CKAP4: variants seen among roughly 807,000 people sequenced by gnomAD.
The protein encoded by CKAP4 is cytoskeleton-associated protein 4.
A neutral mutation model predicts 24.4 loss-of-function variants in CKAP4; 20 were observed. The ratio of observed to expected loss-of-function variants is 0.82; its 90% CI spans 0.58 to 1.19. The LOEUF is 1.19. CKAP4 is among the 50% of genes most tolerant of loss of function. The probability of loss-of-function intolerance (pLI) is 0.00; values close to 1 mark genes in which losing one functional copy is unlikely to be tolerated. For missense variants in CKAP4, 744 were observed against 765.3 expected (o/e 0.97, Z 0.33); for synonymous variants, 378 against 351.7 (o/e 1.07, Z -0.84).
chr12:106,238,745 T>C lies in CKAP4; in HGVS notation c.*279A>G, dbSNP rs551197164. 105 of 351,094 alleles carry C rather than the reference T, an allele frequency of 3.0e-4. No individual in the cohort carries two copies. Among genetic ancestry groups the C allele is most frequent in the Non-Finnish European group, 5.1e-4 (98 of 193,502 alleles). 21.7% of individuals were successfully genotyped at this position (351,094 alleles called of 1,614,324 possible). On this transcript the variant is annotated 3_prime_UTR_variant, in exon 2 of 2. Coordinates refer to ENST00000378026, the MANE Select transcript of CKAP4 (RefSeq NM_006825.4). The stretch of plus-strand genomic sequence containing the variant: ...CTTCTGTTAATCCTCAATTTAAGCC[T>C]TTATCATTTTTCTCTGACTAGAGAC...
chr12:106,243,132 C>G (rs1291969550), intron 1 of CKAP4, among the ~76,000 whole-genome samples: 3 of 152,122 alleles, frequency 2.0e-5, no homozygotes, highest in Non-Finnish European at 4.4e-5. Flanking sequence ...GGTGGGGGGA[C>G]TGGGTGTTAG....
rs907679846 is a variant in CKAP4 at position 106,243,745 on chromosome 12, T to C, written c.484-3396A>G. On this transcript the variant is annotated intron_variant, in intron 1 of 1. Coordinates refer to ENST00000378026, the MANE Select transcript of CKAP4 (RefSeq NM_006825.4). ...GAGCCATTCTCCAATAACAAGAACA[T>C]CTGGAGAACAAGAGACAGGTGGGCA... 2.0e-5 allele frequency among the ~76,000 whole-genome samples: 3 copies of C among 152,140 alleles called. No homozygotes were observed. In the East Asian group the frequency reaches 5.8e-4, roughly 29 times the overall value.
Position 106,247,578 on chromosome 12 carries a change from C to G in CKAP4, c.274G>C (p.Ala92Pro), listed in dbSNP as rs1213856243. The G allele has an allele frequency of 7.4e-7, 1 of 1,354,270 alleles. No homozygotes were observed. Among genetic ancestry groups the G allele is most frequent in the East Asian group, 3.6e-5 (1 of 28,118 alleles). The allele number at this position is 1,354,270 out of a possible 1,614,324, so 83.9% of individuals were successfully genotyped here. The part of the protein sequence containing the change: ...SSSASAAAAA[A>P]AASSSASCSR... ...CAGGACGCCGAGGACGAGGCGGCGG[C>G]GGCGGCAGCGGCGGCGGAGGCGGAG... Residue 92 changes from alanine to proline, a missense_variant, in exon 1 of 2, where the codon GCC becomes CCC. Coordinates refer to ENST00000378026, the MANE Select transcript of CKAP4 (RefSeq NM_006825.4). The surrounding 1 kb of genome is among the most constrained non-coding windows in gnomAD (Gnocchi z 4.5).
chr12:106,245,914 A>T (rs1420775647), intron 1 of CKAP4, among the ~76,000 whole-genome samples: 1 of 152,190 alleles, frequency 6.6e-6, no homozygotes, highest in Non-Finnish European at 1.5e-5. Flanking sequence ...CAGTCTTAAG[A>T]GGAAATTCCT....
At chr12:106,245,846 CGGCCTCCT>C (rs1565949748) in intron 1 of CKAP4, among the ~76,000 whole-genome samples, 135 of 152,164 alleles carry the variant, frequency 8.9e-4, no homozygotes, top group African/African-American at 3.0e-3. Flanking sequence ...CCGCCCGCCT[CGGCCTCCT>C]ACAGTGCCGG....
At position 106,239,858 on chromosome 12, in the gene CKAP4, G is replaced by A; in HGVS notation, c.975C>T (p.Val325=). Residue 325 remains valine (V), a synonymous_variant, in exon 2 of 2, where the codon GTC becomes GTT. Coordinates refer to ENST00000378026, the MANE Select transcript of CKAP4 (RefSeq NM_006825.4). The surrounding 1 kb of genome is among the most constrained non-coding windows in gnomAD (Gnocchi z 4.9). The part of the protein sequence containing the change: ...QTMESDIYTE[V]RELVSLKQEQ... ...CCTGCTTGAGGCTCACCAGCTCGCG[G>A]ACCTCGGTGTAGATGTCAGACTCCA... 8 of 1,614,098 alleles carry A rather than the reference G, an allele frequency of 5.0e-6. No individual in the cohort carries two copies. Among genetic ancestry groups the A allele is most frequent in the Non-Finnish European group, 6.8e-6 (8 of 1,180,016 alleles).
chr12:106,238,423 A>G lies in CKAP4; in HGVS notation c.*601T>C, dbSNP rs2033930130. On this transcript the variant is annotated 3_prime_UTR_variant, in exon 2 of 2. Coordinates refer to ENST00000378026, the MANE Select transcript of CKAP4 (RefSeq NM_006825.4). ...TACCTCTGATATCACAAGATGCGTC[A>G]GGAAGAGAAACGACACGCACACCAT... The G allele has an allele frequency of 6.5e-6, 1 of 153,278 alleles. No individual in the cohort carries two copies. Among genetic ancestry groups the G allele is most frequent in the African/African-American group, 2.4e-5 (1 of 41,436 alleles). 9.5% of individuals were successfully genotyped at this position (153,278 alleles called of 1,614,324 possible). A position where few individuals can be genotyped will look rare whatever the true frequency, so the allele number is the denominator to read the frequency against.
At chr12:106,246,725 G>A (rs969854368) in intron 1 of CKAP4, 1 of 152,654 alleles carries the variant, frequency 6.6e-6, no homozygotes, top group Non-Finnish European at 1.5e-5. Flanking sequence ...CTGGGCGACA[G>A]AGCCAGACTC....
At position 106,247,569 on chromosome 12, in the gene CKAP4, AGGCGGCGGCGGCGGCAGC is replaced by A. The variant is rs1408025449; in HGVS notation, c.265_282del (p.Ala89_Ala94del). ...CTGCGCGAGCAGGACGCCGAGGACG[AGGCGGCGGCGGCGGCAGC>A]GGCGGCGGAGGCGGAGGAGGAGGAG... On this transcript the variant is annotated inframe_deletion, in exon 1 of 2. Transcript: ENST00000378026. The surrounding 1 kb of genome is among the most constrained non-coding windows in gnomAD (Gnocchi z 4.5). 1.4e-5 allele frequency: 20 copies of A among 1,381,150 alleles called. No individual in the cohort carries two copies. The highest frequency in any genetic ancestry group is 7.0e-5 in the East Asian group (2 of 28,776). 85.6% of individuals were successfully genotyped at this position (1,381,150 alleles called of 1,614,324 possible).
Position 106,247,877 on chromosome 12 carries a change from G to A in CKAP4, c.-26C>T, listed in dbSNP as rs1271641669. ...GGCGGGCGCGGCGGCGGCTCGGGCC[G>A]CGGGCTGGGAGGCGAGCGAGCGCGG... On this transcript the variant is annotated 5_prime_UTR_variant, in exon 1 of 2. Coordinates refer to ENST00000378026, the MANE Select transcript of CKAP4 (RefSeq NM_006825.4). This position sits in a 1 kb window ranked among gnomAD's most constrained non-coding sequence, Gnocchi z 4.5. 3 of 1,029,540 alleles carry A rather than the reference G, an allele frequency of 2.9e-6. No homozygotes were observed. Among genetic ancestry groups the A allele is most frequent in the East Asian group, 8.5e-5 (1 of 11,790 alleles). The allele number at this position is 1,029,540 out of a possible 1,614,324, so 63.8% of individuals were successfully genotyped here.
chr12:106,244,391 A>C (rs533484894), intron 1 of CKAP4, among the ~76,000 whole-genome samples: 8 of 152,380 alleles, frequency 5.3e-5, no homozygotes, highest in African/African-American at 9.6e-5. Flanking sequence ...TCAGCAGATG[A>C]TGCATTTTCA....
chr12:106,247,526 T>C lies in CKAP4; in HGVS notation c.326A>G (p.Asn109Ser), dbSNP rs1223311829. 4.6e-6 allele frequency: 7 copies of C among 1,526,408 alleles called. No individual in the cohort carries two copies. The highest frequency in any genetic ancestry group is 1.2e-5 in the South Asian group (1 of 82,784). The allele number at this position is 1,526,408 out of a possible 1,614,324, so 94.6% of individuals were successfully genotyped here. ...CACCAGGGCGAGGTAGAAGAGAAAG[T>C]TGAGCGCCCTGCCGAGCCTGCGCGA... Reference protein sequence around the residue: ...SCSRRLGRALNFLFYLALVAA... With the variant: ...SCSRRLGRALSFLFYLALVAA... The change falls in exon 1 of 2, where the codon AAC becomes AGC. Residue 109 changes from asparagine (N) to serine (S), a missense_variant. Coordinates refer to ENST00000378026, the MANE Select transcript of CKAP4 (RefSeq NM_006825.4). This position sits in a 1 kb window ranked among gnomAD's most constrained non-coding sequence, Gnocchi z 4.5.
chr12:106,239,560 C>T lies in CKAP4; in HGVS notation c.1273G>A (p.Val425Met), dbSNP rs769220994. ...HVEDGVLSMQ[V>M]ASARQTESLE... ...CTCTCGGTCTGGCGCGCAGAAGCCA[C>T]CTGCATGGAGAGCACCCCATCCTCC... Residue 425 changes from valine to methionine, a missense_variant, in exon 2 of 2, where the codon GTG becomes ATG. Transcript: ENST00000378026. The surrounding 1 kb of genome is among the most constrained non-coding windows in gnomAD (Gnocchi z 4.9). 35 of 1,613,434 alleles carry T rather than the reference C, an allele frequency of 2.2e-5. No individual in the cohort carries two copies. Among genetic ancestry groups the T allele is most frequent in the Non-Finnish European group, 2.9e-5 (34 of 1,179,856 alleles).
rs2136532230 is a variant in CKAP4, at chr12:106,237,956, TAAAC to T, written c.*1064_*1067del. The T allele has an allele frequency of 7.8e-6, 1 of 129,008 alleles. No individual in the cohort carries two copies. The highest frequency in any genetic ancestry group is 2.5e-4 in the East Asian group (1 of 3,996). The allele number at this position is 129,008 out of a possible 1,614,324, so 8.0% of individuals were successfully genotyped here. ...CCATACAGTTCATTTCACAGTAAAC[TAAAC>T]AAAACTTTTTTTTTTTTTTTTTACT... On this transcript the variant is annotated 3_prime_UTR_variant, in exon 2 of 2. Transcript: ENST00000378026.
At position 106,238,806 on chromosome 12, in the gene CKAP4, C is replaced by T. The variant is rs141182571; in HGVS notation, c.*218G>A. 3.6e-6 allele frequency: 2 copies of T among 557,498 alleles called. No individual in the cohort carries two copies. The highest frequency in any genetic ancestry group is 1.9e-5 in the African/African-American group (1 of 53,206). The allele number at this position is 557,498 out of a possible 1,614,324, so 34.5% of individuals were successfully genotyped here. ...AGCCACCTGTTATTCACAGGGGCTG[C>T]GCTTCAGGAAACCAACCAAATGCAG... On this transcript the variant is annotated 3_prime_UTR_variant, in exon 2 of 2. Coordinates refer to ENST00000378026, the MANE Select transcript of CKAP4 (RefSeq NM_006825.4).
At position 106,239,221 on chromosome 12, in the gene CKAP4, T is replaced by C. The variant is rs763322573; in HGVS notation, c.1612A>G (p.Asn538Asp). The stretch of plus-strand genomic sequence containing the variant: ...ACTTGGCTGACTGAGGCTTTCAGGT[T>C]GTCTAGAGAAGAAAGTCTGTCCAGG... ...DFLDRLSSLD[N>D]LKASVSQVEA... The change falls in exon 2 of 2, where the codon AAC (asparagine) becomes GAC (aspartate). Residue 538 changes from asparagine to aspartate, a missense_variant. Transcript: ENST00000378026. The surrounding 1 kb of genome is among the most constrained non-coding windows in gnomAD (Gnocchi z 4.9). 1 of 1,614,164 alleles carries C rather than the reference T, an allele frequency of 6.2e-7. No homozygotes were observed.
chr12:106,239,244 AG>A lies in CKAP4; in HGVS notation c.1588del (p.Leu530TrpfsTer7), dbSNP rs775213331. ...QAARLPPQDF[L>X]DRLSSLDNLK... is the part of the protein sequence containing the mutation. ...GTTGTCTAGAGAAGAAAGTCTGTCC[AG>A]GAAGTCCTGAGGAGGCAGACGGGCG... On this transcript the variant is annotated frameshift_variant, in exon 2 of 2. Transcript: ENST00000378026. This position sits in a 1 kb window ranked among gnomAD's most constrained non-coding sequence, Gnocchi z 4.9. 1.2e-6 allele frequency: 2 copies of A among 1,614,098 alleles called. No individual in the cohort carries two copies. Among genetic ancestry groups the A allele is most frequent in the Non-Finnish European group, 8.5e-7 (1 of 1,180,030 alleles).
At chr12:106,246,448 A>G (rs925586604) in intron 1 of CKAP4, among the ~76,000 whole-genome samples, 1 of 152,182 alleles carries the variant, frequency 6.6e-6, no homozygotes, top group South Asian at 2.1e-4. Context: ...CTCTTCCCCT[A>G]AAGCGGAAGT....
In CKAP4 at chr12:106,247,652, C is replaced by G; in HGVS notation, c.200G>C (p.Gly67Ala). The G allele has an allele frequency of 1.8e-6, 2 of 1,096,244 alleles. No homozygotes were observed. Among genetic ancestry groups the G allele is most frequent in the South Asian group, 5.0e-5 (2 of 39,792 alleles). The allele number at this position is 1,096,244 out of a possible 1,614,324, so 67.9% of individuals were successfully genotyped here. A position where few individuals can be genotyped will look rare whatever the true frequency, so the allele number is the denominator to read the frequency against. ...GCCGCCGCCGCCGCCGCGGTGGCCG[C>G]CCTTGCCGTGCGCCTGGTTCTGCGG... ...QHPQNQAHGK[G>A]GHRGGGGGGG... Residue 67 changes from glycine (G) to alanine (A), a missense_variant, in exon 1 of 2, where the codon GGC becomes GCC. Coordinates refer to ENST00000378026, the MANE Select transcript of CKAP4 (RefSeq NM_006825.4). This position sits in a 1 kb window ranked among gnomAD's most constrained non-coding sequence, Gnocchi z 4.5.
Sources: allele counts gnomAD v4.1 joint callset (sites outside exome capture counted in the v4.1 genomes callset), GRCh38; gene constraint gnomAD v4.1.1; non-coding constraint Gnocchi (gnomAD v3.1); transcripts MANE v1.5; gene names NCBI Gene and HGNC (gene_info 2026-07-23, HGNC 2026-07-21).